GRID2: variants seen among roughly 807,000 people sequenced by gnomAD.
The protein encoded by GRID2 is glutamate ionotropic receptor delta type subunit 2.
A neutral mutation model predicts 114.8 loss-of-function variants in GRID2; 33 were observed. That is an observed-to-expected ratio of 0.29 (90% CI 0.22 to 0.38). GRID2 has a LOEUF of 0.38. GRID2 is among the 10% of genes least tolerant of loss of function. The pLI, the probability that GRID2 is intolerant of heterozygous loss-of-function variation, is 1.00. For synonymous variants in GRID2, 505 were observed against 449.9 expected (o/e 1.12, Z -1.55); for missense variants, 1,184 against 1,257.7 (o/e 0.94, Z 0.89).
chr4:93,354,604 C>T (rs147510139), intron 8 of GRID2, among the ~76,000 whole-genome samples: 109 of 149,694 alleles, frequency 7.3e-4, no homozygotes, highest in African/African-American at 2.5e-3. Flanking sequence ...AAACACTTAA[C>T]GTGATTTTAA....
At chr4:93,502,923 A>T (rs540005960) in intron 12 of GRID2, among the ~76,000 whole-genome samples, 1 of 152,050 alleles carries the variant, frequency 6.6e-6, no homozygotes, top group Non-Finnish European at 1.5e-5. Context: ...TCTGAGAGGG[A>T]TGCTACAGAG....
chr4:92,596,960 G>A (rs1728984523), intron 2 of GRID2, among the ~76,000 whole-genome samples: 3 of 151,966 alleles, frequency 2.0e-5, no homozygotes, highest in Admixed American at 2.0e-4. Context: ...AAAGCATGCC[G>A]TTCCCCTCTA....
chr4:93,056,868 A>G (rs984666137), intron 2 of GRID2, among the ~76,000 whole-genome samples: 1 of 151,964 alleles, frequency 6.6e-6, no homozygotes, highest in African/African-American at 2.4e-5. Context: ...CAGGTAAGAT[A>G]ATTAGAATCA....
intron 1 of GRID2, among the ~76,000 whole-genome samples, chr4:92,526,113 A>G (rs1484012002): frequency 6.6e-6 from 1 of 151,934 alleles, no homozygotes; most frequent in African/African-American, 2.4e-5. Flanking sequence ...GTCATCTCTA[A>G]AAAGGAAGAA....
intron 9 of GRID2, among the ~76,000 whole-genome samples, chr4:93,403,462 T>C (rs1215173688): frequency 6.6e-6 from 1 of 151,990 alleles, no homozygotes; most frequent in East Asian, 1.9e-4. Context: ...TGGAAATAAT[T>C]GCAAATCATA....
chr4:92,831,495 T>G (rs1031389889), intron 2 of GRID2, among the ~76,000 whole-genome samples: 3 of 150,056 alleles, frequency 2.0e-5, no homozygotes, highest in African/African-American at 7.3e-5. Flanking sequence ...CCAATTTCGT[T>G]TTTTTTTTTT....
chr4:92,845,640 G>C (rs939949396), intron 2 of GRID2, among the ~76,000 whole-genome samples: 2 of 151,922 alleles, frequency 1.3e-5, no homozygotes, highest in African/African-American at 4.8e-5. Context: ...GAGTCCAATG[G>C]ATATCAGGTG....
At chr4:93,129,701 C>G (rs1734617920) in intron 4 of GRID2, among the ~76,000 whole-genome samples, 1 of 152,136 alleles carries the variant, frequency 6.6e-6, no homozygotes, top group African/African-American at 2.4e-5. Flanking sequence ...AGCTGATGAT[C>G]TTGTATTTAT....
intron 8 of GRID2, among the ~76,000 whole-genome samples, chr4:93,302,203 C>T (rs911144745): frequency 5.3e-5 from 8 of 152,146 alleles, no homozygotes; most frequent in African/African-American, 1.7e-4. Flanking sequence ...CATTATTAAA[C>T]ATTTTATACA....
At chr4:92,599,277 C>T (rs1484968136) in intron 2 of GRID2, among the ~76,000 whole-genome samples, 3 of 151,994 alleles carry the variant, frequency 2.0e-5, no homozygotes, top group South Asian at 2.1e-4. Flanking sequence ...TTAATACAAT[C>T]GGTGAAGTAA....
intron 2 of GRID2, among the ~76,000 whole-genome samples, chr4:92,770,228 C>T (rs1738475237): frequency 6.6e-6 from 1 of 152,170 alleles, no homozygotes; most frequent in Non-Finnish European, 1.5e-5. Context: ...AGAGAATCAC[C>T]TTTGTTCCAG....
At position 92,740,383 on chromosome 4, in the gene GRID2, CTG is replaced by C. The variant is rs543455001; in HGVS notation, c.244+150099_244+150100del. The stretch of plus-strand genomic sequence containing the variant: ...TCTTCATGCATGTCAGTGTTCATCT[CTG>C]TATCTTCAAGCACATCCTACATTTC... On this transcript the variant is annotated intron_variant, in intron 2 of 15. Coordinates refer to ENST00000282020, the MANE Select transcript of GRID2 (RefSeq NM_001510.4). 1.6e-3 allele frequency among the ~76,000 whole-genome samples: 239 copies of C among 152,292 alleles called. 2 individuals carry two copies. Among genetic ancestry groups the C allele is most frequent in the African/African-American group, 4.0e-3 (166 of 41,574 alleles).
At chr4:93,251,269 T>C (rs1161237071) in intron 8 of GRID2, among the ~76,000 whole-genome samples, 1 of 152,198 alleles carries the variant, frequency 6.6e-6, no homozygotes, top group Non-Finnish European at 1.5e-5. Flanking sequence ...AGTAATATTT[T>C]GCCTGTGATT....
intron 2 of GRID2, among the ~76,000 whole-genome samples, chr4:92,982,023 A>T (rs1356677868): frequency 2.7e-5 from 2 of 75,468 alleles, no homozygotes; most frequent in Non-Finnish European, 2.4e-5. Context: ...AAGTACTGGT[A>T]AAAAAAAAAA....
intron 2 of GRID2, among the ~76,000 whole-genome samples, chr4:93,075,554 T>A (rs1250798674): frequency 6.6e-6 from 1 of 152,144 alleles, no homozygotes; most frequent in East Asian, 1.9e-4. Flanking sequence ...GCAGATGACA[T>A]GATTCTCTCT....
At chr4:93,345,425 G>T (rs977496207) in intron 8 of GRID2, among the ~76,000 whole-genome samples, 1 of 151,896 alleles carries the variant, frequency 6.6e-6, no homozygotes, top group African/African-American at 2.4e-5. Flanking sequence ...TCATACCCCT[G>T]TTGGCCATTT....
intron 6 of GRID2, among the ~76,000 whole-genome samples, chr4:93,219,009 T>C (rs1393117373): frequency 1.3e-5 from 2 of 152,116 alleles, no homozygotes; most frequent in Admixed American, 6.5e-5. Flanking sequence ...TTATGATACA[T>C]GGGAATTATG....
At chr4:92,657,190 C>T (rs888883483) in intron 2 of GRID2, among the ~76,000 whole-genome samples, 1 of 150,662 alleles carries the variant, frequency 6.6e-6, no homozygotes, top group Non-Finnish European at 1.5e-5. Flanking sequence ...AAGAAGGCTC[C>T]AGGGCATCAC....
chr4:92,428,038 G>C (rs7653951), intron 1 of GRID2, among the ~76,000 whole-genome samples: 2 of 151,936 alleles, frequency 1.3e-5, no homozygotes, highest in African/African-American at 4.8e-5. Flanking sequence ...TGAGGCGGGC[G>C]GATCATGAGG....
Sources: gnomAD v4.1 joint callset for allele counts (sites outside exome capture counted in the v4.1 genomes callset) on GRCh38, gnomAD v4.1.1 for gene constraint, MANE v1.5 for transcripts, NCBI Gene and HGNC (gene_info 2026-07-23, HGNC 2026-07-21) for gene names.